Variants in RAB38 observed in about 807,000 individuals in gnomAD.
RAB38 encodes the protein RAB38, member RAS oncogene family, also known as ras-related protein Rab-38.
Under a neutral mutation model 18.4 loss-of-function variants are expected in RAB38, and 15 were observed. The ratio of observed to expected loss-of-function variants is 0.82; its 90% CI spans 0.55 to 1.26. RAB38 has a LOEUF of 1.26. Ranked by LOEUF, RAB38 falls within the 50% of genes most tolerant of loss-of-function variation. The probability of loss-of-function intolerance (pLI) is 0.00; values close to 1 mark genes in which losing one functional copy is unlikely to be tolerated. For synonymous variants in RAB38, 101 were observed against 104.4 expected, an observed-to-expected ratio of 0.97 and a Z score of 0.20; for missense variants, 294 against 267.4, an observed-to-expected ratio of 1.10 and a Z score of -0.69.
chr11:87,962,492 TG>T, the RAB38 span, among the ~76,000 whole-genome samples: 209 of 148,366 alleles, frequency 1.4e-3, 1 homozygote, highest in African/African-American at 4.8e-3. Context: ...ACCAGAGGCT[TG>T]GCGGGGGCAG....
rs751956314 is a variant in RAB38 at position 88,175,277 on chromosome 11, CGAA to C, written c.105_107del (p.Ser36del). ...CCACGCCGATTGTGGCCCGGTAGTG[CGAA>C]GAGAAGTTCTGGTGCACGTAGCGCT... On this transcript the variant is annotated inframe_deletion, in exon 1 of 3. Coordinates refer to ENST00000243662, the MANE Select transcript of RAB38 (RefSeq NM_022337.3). 12 of 1,614,040 alleles carry C rather than the reference CGAA, an allele frequency of 7.4e-6. No homozygotes were observed. The highest frequency in any genetic ancestry group is 6.6e-5 in the South Asian group (6 of 91,084).
At chr11:88,128,261 T>TC (rs373308977) in intron 2 of RAB38, among the ~76,000 whole-genome samples, 76 of 152,356 alleles carry the variant, frequency 5.0e-4, no homozygotes, top group African/African-American at 1.7e-3. Context: ...CTCCCTTTTT[T>TC]CCAGATAGAA....
At chr11:88,144,556 T>C (rs942678036) in intron 2 of RAB38, among the ~76,000 whole-genome samples, 2 of 152,196 alleles carry the variant, frequency 1.3e-5, no homozygotes, top group African/African-American at 2.4e-5. Flanking sequence ...TACCATCTTA[T>C]AGAGAACAGT....
At chr11:88,167,208 T>G (rs1471649018) in intron 1 of RAB38, 3 of 150,898 alleles carry the variant, frequency 2.0e-5, no homozygotes, top group African/African-American at 4.9e-5. Context: ...GAGGAAGGTG[T>G]TTTTTTTTAG....
chr11:88,161,284 C>T (rs1943187162), intron 1 of RAB38, among the ~76,000 whole-genome samples: 1 of 151,936 alleles, frequency 6.6e-6, no homozygotes, highest in Admixed American at 6.6e-5. Flanking sequence ...ATCTTTGTGC[C>T]CAAAGCCTGA....
At chr11:87,967,457 T>C in the RAB38 span, among the ~76,000 whole-genome samples, 1 of 152,112 alleles carries the variant, frequency 6.6e-6, no homozygotes, top group Non-Finnish European at 1.5e-5. Context: ...GTTAATAATT[T>C]TAAAATATCT....
At chr11:88,033,229 GC>G in the RAB38 span, among the ~76,000 whole-genome samples, 1 of 151,906 alleles carries the variant, frequency 6.6e-6, no homozygotes, top group Non-Finnish European at 1.5e-5. Flanking sequence ...GACTGTTGTG[GC>G]GTGGGAGGAG....
At chr11:87,959,881 A>C in the RAB38 span, among the ~76,000 whole-genome samples, 1 of 152,146 alleles carries the variant, frequency 6.6e-6, no homozygotes, top group Non-Finnish European at 1.5e-5. Flanking sequence ...AAAGAGCCAC[A>C]AACTTACTCT....
At chr11:87,916,267 A>G in the RAB38 span, among the ~76,000 whole-genome samples, 1 of 151,970 alleles carries the variant, frequency 6.6e-6, no homozygotes, top group Non-Finnish European at 1.5e-5. Context: ...TCGCCATCAG[A>G]CTCAGGTTGA....
the RAB38 span, among the ~76,000 whole-genome samples, chr11:88,056,586 C>T: frequency 6.6e-6 from 1 of 151,996 alleles, no homozygotes; most frequent in Admixed American, 6.6e-5. Context: ...GGGCAGATCA[C>T]GAGGTCAGGA....
the RAB38 span, among the ~76,000 whole-genome samples, chr11:87,906,208 A>G: frequency 6.6e-6 from 1 of 152,000 alleles, no homozygotes; most frequent in Non-Finnish European, 1.5e-5. Flanking sequence ...TCTCCCACCC[A>G]TGAGCATTAA....
chr11:88,076,453 G>C, the RAB38 span, among the ~76,000 whole-genome samples: 1 of 152,008 alleles, frequency 6.6e-6, no homozygotes, highest in African/African-American at 2.4e-5. Context: ...ATAAATAAAG[G>C]GCATCCAAAT....
the RAB38 span, among the ~76,000 whole-genome samples, chr11:87,956,578 C>T: frequency 1.9e-3 from 285 of 152,210 alleles, 1 homozygote; most frequent in Non-Finnish European, 3.4e-3. Flanking sequence ...ACGTGTCCAA[C>T]CTTGTCCACT....
At chr11:87,926,038 A>T in the RAB38 span, among the ~76,000 whole-genome samples, 1 of 151,236 alleles carries the variant, frequency 6.6e-6, no homozygotes, top group East Asian at 2.0e-4. Context: ...AATCCTACTC[A>T]TTTACCCTTT....
chr11:87,859,976 A>C, the RAB38 span, among the ~76,000 whole-genome samples: 1 of 152,016 alleles, frequency 6.6e-6, no homozygotes, highest in Non-Finnish European at 1.5e-5. Context: ...TGCAAACCAA[A>C]CTATGTGTCT....
At chr11:88,011,389 A>G in the RAB38 span, among the ~76,000 whole-genome samples, 4 of 152,324 alleles carry the variant, frequency 2.6e-5, no homozygotes, top group East Asian at 7.7e-4. Flanking sequence ...CTCTATCAAG[A>G]TGTATGCGTA....
chr11:87,955,041 C>T, the RAB38 span, among the ~76,000 whole-genome samples: 1 of 152,154 alleles, frequency 6.6e-6, no homozygotes, highest in African/African-American at 2.4e-5. Context: ...AAAAGGAGCA[C>T]AGCAGAAGAA....
At chr11:87,972,274 T>C in the RAB38 span, among the ~76,000 whole-genome samples, 1 of 152,064 alleles carries the variant, frequency 6.6e-6, no homozygotes, top group Non-Finnish European at 1.5e-5. Flanking sequence ...TAGTCTGTTA[T>C]CTAAACAATT....
the RAB38 span, among the ~76,000 whole-genome samples, chr11:87,939,209 G>A: frequency 6.6e-6 from 1 of 152,244 alleles, no homozygotes; most frequent in South Asian, 2.1e-4. Flanking sequence ...TATAGGATGA[G>A]TATGGTTCTC....
Sources: allele counts gnomAD v4.1 joint callset (sites outside exome capture counted in the v4.1 genomes callset), GRCh38; gene constraint gnomAD v4.1.1; transcripts MANE v1.5; gene names NCBI Gene and HGNC (gene_info 2026-07-23, HGNC 2026-07-21).